Variants in PLA2R1 observed in about 807,000 individuals in gnomAD.
The protein encoded by PLA2R1 is phospholipase A2 receptor 1, also known as secretory phospholipase A2 receptor.
Under a neutral mutation model 195.9 loss-of-function variants are expected in PLA2R1, and 158 were observed. The ratio of observed to expected loss-of-function variants is 0.81; its 90% confidence interval spans 0.71 to 0.92. The LOEUF (loss-of-function observed/expected upper bound fraction) is 0.92, where lower values mean the gene tolerates loss of function less well. PLA2R1 is among the 40% of genes least tolerant of loss of function. PLA2R1 has a pLI of 0.00. For synonymous variants in PLA2R1, 586 were observed against 598.2 expected (o/e 0.98, Z 0.30); for missense variants, 1,626 against 1,764.6 (o/e 0.92, Z 1.41).
chr2:159,943,021 G>C (rs1687176384), intron 28 of PLA2R1, among the ~76,000 whole-genome samples: 1 of 149,536 alleles, frequency 6.7e-6, no homozygotes, highest in Non-Finnish European at 1.5e-5. Context: ...GCCCGGGCCA[G>C]AGTACAATGG....
At position 159,946,792 on chromosome 2, in the gene PLA2R1, A is replaced by G; in HGVS notation, c.3967+9T>C. On this transcript the variant is annotated intron_variant, in intron 27 of 29. Transcript: ENST00000283243. ...TATTTATGTCCTCTCCTCTACCCAAATCACTTACTGTTACCATCAAATTGA... is the reference window on the plus strand; with the variant it reads ...TATTTATGTCCTCTCCTCTACCCAAGTCACTTACTGTTACCATCAAATTGA... 6.2e-7 allele frequency: 1 copy of G among 1,600,628 alleles called. No individual in the cohort carries two copies. Among genetic ancestry groups the G allele is most frequent in the Non-Finnish European group, 8.5e-7 (1 of 1,176,632 alleles).
At chr2:160,003,935 C>CT (rs1230959005) in intron 11 of PLA2R1, among the ~76,000 whole-genome samples, 29 of 152,262 alleles carry the variant, frequency 1.9e-4, no homozygotes, top group Non-Finnish European at 3.2e-4. Context: ...GGAAAGTTCT[C>CT]TAAGACAGAT....
At position 159,969,369 on chromosome 2, in the gene PLA2R1, G is replaced by A. The variant is rs1688994067; in HGVS notation, c.2661-10C>T. 1.4e-5 allele frequency: 20 copies of A among 1,475,300 alleles called. No individual in the cohort carries two copies. Among genetic ancestry groups the A allele is most frequent in the Non-Finnish European group, 1.8e-5 (19 of 1,056,138 alleles). 91.4% of individuals were successfully genotyped at this position (1,475,300 alleles called of 1,614,324 possible). ...TGTTCCATCTCTCCAGCTGTGGGAA[G>A]ATTAAAAATGTTAAGGTCTTCTCTC... On this transcript the variant is annotated splice_polypyrimidine_tract_variant and intron_variant, in intron 18 of 29. Coordinates refer to ENST00000283243, the MANE Select transcript of PLA2R1 (RefSeq NM_007366.5).
In PLA2R1 at chr2:159,935,968, T is replaced by TTTTTTTTTTTTTC. The variant is rs1686809307; in HGVS notation, c.*5809_*5810insGAAAAAAAAAAAA. The TTTTTTTTTTTTTC allele has an allele frequency of 1.1e-5, 1 of 94,526 alleles. No homozygotes were observed. The highest frequency in any genetic ancestry group is 3.3e-5 in the African/African-American group (1 of 30,686). 5.9% of individuals were successfully genotyped at this position (94,526 alleles called of 1,614,324 possible). ...TAATTTTTTTTTTTTTTTTTTTTTTTTGAGAGAGAGTCTCGCTCTGTCGCC... is the reference window on the plus strand; with the variant it reads ...TAATTTTTTTTTTTTTTTTTTTTTTTTTTTTTTTTTTTCTGAGAGAGAGTCTCGCTCTGTCGCC... On this transcript the variant is annotated 3_prime_UTR_variant, in exon 30 of 30. Coordinates refer to ENST00000283243, the MANE Select transcript of PLA2R1 (RefSeq NM_007366.5).
At chr2:160,059,002 G>A (rs1324829567) in intron 1 of PLA2R1, among the ~76,000 whole-genome samples, 4 of 152,128 alleles carry the variant, frequency 2.6e-5, no homozygotes, top group Non-Finnish European at 4.4e-5. Context: ...GCAACTAGAC[G>A]GTCCCATCTG....
rs1441268255 is a variant in PLA2R1, at chr2:159,937,494, C to T, written c.*4284G>A. Reference sequence around the variant, plus strand: ...AAATAAAAAAAACTTCAGAAAAGGTCTGAATTCATTTTTCAGTTCAAATAA... The same window carrying T: ...AAATAAAAAAAACTTCAGAAAAGGTTTGAATTCATTTTTCAGTTCAAATAA... On this transcript the variant is annotated 3_prime_UTR_variant, in exon 30 of 30. Transcript: ENST00000283243. 1 of 152,196 alleles carries T rather than the reference C, an allele frequency of 6.6e-6. No individual in the cohort carries two copies. Among genetic ancestry groups the T allele is most frequent in the Non-Finnish European group, 1.5e-5 (1 of 68,026 alleles). The allele number at this position is 152,196 out of a possible 1,614,324, so 9.4% of individuals were successfully genotyped here.
intron 25 of PLA2R1, among the ~76,000 whole-genome samples, chr2:159,948,262 T>C (rs1160092974): frequency 1.3e-5 from 2 of 152,068 alleles, no homozygotes; most frequent in Non-Finnish European, 2.9e-5. Context: ...AAAGACAAAG[T>C]CTCACTCTGT....
At chr2:160,010,974 G>C (rs1190368311) in intron 10 of PLA2R1, among the ~76,000 whole-genome samples, 1 of 152,168 alleles carries the variant, frequency 6.6e-6, no homozygotes, top group African/African-American at 2.4e-5. Context: ...CACCAGCACA[G>C]GGCAATCTGG....
chr2:160,049,593 C>T (rs920306425), intron 1 of PLA2R1, among the ~76,000 whole-genome samples: 4 of 152,074 alleles, frequency 2.6e-5, no homozygotes, highest in Non-Finnish European at 4.4e-5. Context: ...AATGGTGGGG[C>T]GTGGTGGCTC....
intron 1 of PLA2R1, among the ~76,000 whole-genome samples, chr2:160,046,355 G>T (rs927472173): frequency 1.3e-5 from 2 of 152,110 alleles, no homozygotes; most frequent in African/African-American, 4.8e-5. Flanking sequence ...AACTCTGAAG[G>T]GACAAGATAG....
intron 11 of PLA2R1, among the ~76,000 whole-genome samples, chr2:159,992,839 T>C (rs1426142423): frequency 1.3e-5 from 2 of 152,124 alleles, no homozygotes; most frequent in African/African-American, 2.4e-5. Flanking sequence ...ACTTGCAGAT[T>C]TCCATGGGTT....
chr2:159,967,493 T>C (rs1688863594), intron 20 of PLA2R1, 46 bp downstream of exon 20: 1 of 1,518,536 alleles, frequency 6.6e-7, no homozygotes, highest in African/African-American at 1.4e-5. Context: ...CCAAAATTAG[T>C]GTCTACAAAA....
Position 160,062,477 on chromosome 2 carries a change from A to G in PLA2R1, c.-74T>C. 1 of 1,446,870 alleles carries G rather than the reference A, an allele frequency of 6.9e-7. No homozygotes were observed. The highest frequency in any genetic ancestry group is 2.9e-5 in the East Asian group (1 of 34,494). 89.6% of individuals were successfully genotyped at this position (1,446,870 alleles called of 1,614,324 possible). ...TCCCGGGAGCCCAGAGCCGCGTCCCAAGCACCCGGCCCCGCCGCGCGGAAG... is the reference window on the plus strand; with the variant it reads ...TCCCGGGAGCCCAGAGCCGCGTCCCGAGCACCCGGCCCCGCCGCGCGGAAG... On this transcript the variant is annotated 5_prime_UTR_variant, in exon 1 of 30. Coordinates refer to ENST00000283243, the MANE Select transcript of PLA2R1 (RefSeq NM_007366.5).
intron 20 of PLA2R1, among the ~76,000 whole-genome samples, chr2:159,962,897 A>C (rs1688546016): frequency 6.6e-6 from 1 of 152,078 alleles, no homozygotes; most frequent in Non-Finnish European, 1.5e-5. Flanking sequence ...CTGGGGGCCT[A>C]GGGGAGGGAT....
intron 27 of PLA2R1, chr2:159,946,026 A>C (rs2125921080): frequency 1.0e-6 from 1 of 984,624 alleles, no homozygotes; most frequent in East Asian, 1.1e-4. Context: ...CTTTCTAAAA[A>C]GATTTTACAG....
intron 10 of PLA2R1, among the ~76,000 whole-genome samples, chr2:160,008,551 A>G (rs554062367): frequency 6.6e-6 from 1 of 152,358 alleles, no homozygotes; most frequent in South Asian, 2.1e-4. Context: ...ATGAACTCAA[A>G]GTAGATTAAA....
chr2:160,033,012 T>C lies in PLA2R1; in HGVS notation c.788A>G (p.Gln263Arg). 6.2e-7 allele frequency: 1 copy of C among 1,613,604 alleles called. No individual in the cohort carries two copies. Residue 263 changes from glutamine to arginine, a missense_variant, in exon 4 of 30, where the codon CAA becomes CGA. By Grantham distance (43) the Gln-to-Arg change is conservative (BLOSUM62 1). Coordinates refer to ENST00000283243, the MANE Select transcript of PLA2R1 (RefSeq NM_007366.5). The stretch of plus-strand genomic sequence containing the variant: ...TGTAATACTTAACAGCGTACCTCCT[T>C]GCATCTGGCATGAAGAATGTGCCTC... ...WSEAHSSCQMQGGTLLSITDE... is the reference protein window; with the variant it reads ...WSEAHSSCQMRGGTLLSITDE...
At chr2:160,057,090 C>A (rs1228321479) in intron 1 of PLA2R1, among the ~76,000 whole-genome samples, 1 of 152,134 alleles carries the variant, frequency 6.6e-6, no homozygotes, top group African/African-American at 2.4e-5. Context: ...CAGGAACTAG[C>A]TAGCATGCTG....
chr2:159,946,513 T>C (rs1416972760), intron 27 of PLA2R1: 4 of 1,070,678 alleles, frequency 3.7e-6, no homozygotes, highest in Non-Finnish European at 4.5e-6. Context: ...TGGTATGCAA[T>C]GACTAAGTCT....
Sources: allele counts gnomAD v4.1 joint callset (sites outside exome capture counted in the v4.1 genomes callset), GRCh38; gene constraint gnomAD v4.1.1; transcripts MANE v1.5; gene names NCBI Gene and HGNC (gene_info 2026-07-23, HGNC 2026-07-21).